The following NELL1 variants were observed in gnomAD, a reference collection of about 807,000 sequenced individuals.
The protein encoded by NELL1 is neural EGFL like 1, also known as protein kinase C-binding protein NELL1.
A neutral mutation model predicts 107.4 loss-of-function variants in NELL1; 76 were observed. The ratio of observed to expected loss-of-function variants is 0.71; its 90% confidence interval spans 0.59 to 0.86. The LOEUF is 0.86. Among genes scored for constraint, NELL1 ranks in the 40% least tolerant of loss-of-function variants. NELL1 has a pLI of 0.00. For synonymous variants in NELL1, 353 were observed against 341.2 expected (o/e 1.03, Z -0.38); for missense variants, 1,024 against 1,005.5 (o/e 1.02, Z -0.25).
chr11:21,363,231 A>AG (rs1851126083), intron 14 of NELL1, among the ~76,000 whole-genome samples: 2 of 152,270 alleles, frequency 1.3e-5, no homozygotes, highest in African/African-American at 2.4e-5. Flanking sequence ...GATATAGTGA[A>AG]GGGATGGCTT....
intron 2 of NELL1, among the ~76,000 whole-genome samples, chr11:20,746,848 A>G (rs988933970): frequency 3.9e-5 from 6 of 152,192 alleles, no homozygotes; most frequent in Non-Finnish European, 7.3e-5. Flanking sequence ...GTTCTACACC[A>G]TTATATCCTG....
At chr11:21,486,132 C>A (rs1243606488) in intron 15 of NELL1, among the ~76,000 whole-genome samples, 1 of 152,114 alleles carries the variant, frequency 6.6e-6, no homozygotes. Flanking sequence ...ATTCCTGATA[C>A]TACCAACATC....
At chr11:21,313,997 C>G (rs75534449) in intron 14 of NELL1, among the ~76,000 whole-genome samples, 2 of 15,194 alleles carry the variant, frequency 1.3e-4, no homozygotes, top group Non-Finnish European at 1.3e-4. Flanking sequence ...ACTCTGCCCC[C>G]CCCCCCCCCC....
intron 13 of NELL1, among the ~76,000 whole-genome samples, chr11:21,188,624 G>T (rs895534435): frequency 6.6e-6 from 1 of 151,704 alleles, no homozygotes; most frequent in African/African-American, 2.4e-5. Flanking sequence ...TATTTAAAAA[G>T]AACCAAAAAT....
At chr11:20,889,480 A>C (rs544317128) in intron 5 of NELL1, among the ~76,000 whole-genome samples, 1 of 152,352 alleles carries the variant, frequency 6.6e-6, no homozygotes, top group East Asian at 1.9e-4. Flanking sequence ...CATTTAAAAA[A>C]CTTCCTGGAA....
chr11:21,482,982 T>G (rs1210375718), intron 15 of NELL1, among the ~76,000 whole-genome samples: 3 of 152,080 alleles, frequency 2.0e-5, no homozygotes, highest in Non-Finnish European at 2.9e-5. Flanking sequence ...CCATTAGGCC[T>G]CTATAATTTT....
At chr11:21,414,078 A>G (rs1852443148) in intron 15 of NELL1, among the ~76,000 whole-genome samples, 1 of 152,128 alleles carries the variant, frequency 6.6e-6, no homozygotes. Flanking sequence ...AAAGGAATTC[A>G]TGAACTTGAG....
chr11:21,159,674 G>C (rs950644541), intron 13 of NELL1, among the ~76,000 whole-genome samples: 2 of 151,716 alleles, frequency 1.3e-5, no homozygotes, highest in Non-Finnish European at 2.9e-5. Flanking sequence ...TGGGTGTAGG[G>C]AGAGGAAATA....
chr11:20,800,829 G>A (rs1169654248), intron 3 of NELL1, among the ~76,000 whole-genome samples: 1 of 152,188 alleles, frequency 6.6e-6, no homozygotes, highest in Non-Finnish European at 1.5e-5. Flanking sequence ...TATTGAGAGT[G>A]ATAGGCATCC....
chr11:20,682,730 AT>A (rs780592882), intron 2 of NELL1, among the ~76,000 whole-genome samples: 3 of 152,010 alleles, frequency 2.0e-5, no homozygotes, highest in Non-Finnish European at 2.9e-5. Context: ...TTCTTTTATA[AT>A]TCCTCCCACT....
chr11:20,707,464 A>C (rs1481663762), intron 2 of NELL1, among the ~76,000 whole-genome samples: 1 of 152,184 alleles, frequency 6.6e-6, no homozygotes, highest in Non-Finnish European at 1.5e-5. Context: ...GAGAATTTTC[A>C]GCTTTCCTTC....
At chr11:21,438,249 T>G (rs555620669) in intron 15 of NELL1, among the ~76,000 whole-genome samples, 1 of 140,840 alleles carries the variant, frequency 7.1e-6, no homozygotes, top group Non-Finnish European at 1.5e-5. Context: ...TGCAGTATTC[T>G]TACATGACAG....
At chr11:21,532,077 G>T (rs540183755) in intron 15 of NELL1, among the ~76,000 whole-genome samples, 1 of 152,174 alleles carries the variant, frequency 6.6e-6, no homozygotes, top group African/African-American at 2.4e-5. Context: ...GTACAGCCTA[G>T]GCACCAGCAT....
rs550121563 is a variant in NELL1 at position 20,814,530 on chromosome 11, A to G, written c.335+30700A>G. Among the ~76,000 whole-genome samples the G allele has an allele frequency of 2.8e-4, 42 of 152,330 alleles. 1 individual carries two copies. In the South Asian group the frequency reaches 3.7e-3, roughly 14 times the overall value. On this transcript the variant is annotated intron_variant, in intron 3 of 19. Transcript: ENST00000357134. ...TGTACCCAATGTTCGGCTCCCACTT[A>G]TAAGTGAGAACATGCAGTGTTTGGT...
intron 14 of NELL1, among the ~76,000 whole-genome samples, chr11:21,351,919 C>A (rs1850826115): frequency 6.6e-6 from 1 of 152,126 alleles, no homozygotes; most frequent in African/African-American, 2.4e-5. Flanking sequence ...AAAATAAAGT[C>A]TTTAAACATC....
intron 14 of NELL1, among the ~76,000 whole-genome samples, chr11:21,258,641 A>G (rs1858829603): frequency 6.6e-6 from 1 of 151,868 alleles, no homozygotes; most frequent in East Asian, 1.9e-4. Context: ...ATGGAGGGCA[A>G]TCTGCTTTAT....
intron 10 of NELL1, among the ~76,000 whole-genome samples, chr11:20,944,128 G>A (rs1850914538): frequency 6.6e-6 from 1 of 152,122 alleles, no homozygotes; most frequent in Admixed American, 6.5e-5. Context: ...ATGGTATTAT[G>A]AAGTATTATC....
chr11:20,731,455 G>A (rs913418646), intron 2 of NELL1, among the ~76,000 whole-genome samples: 6 of 152,210 alleles, frequency 3.9e-5, no homozygotes, highest in Non-Finnish European at 5.9e-5. Context: ...GTTAGAGGGG[G>A]CGTCACTGTG....
intron 15 of NELL1, among the ~76,000 whole-genome samples, chr11:21,388,268 T>C (rs1851792087): frequency 6.6e-6 from 1 of 151,786 alleles, no homozygotes; most frequent in Non-Finnish European, 1.5e-5. Context: ...CTTTTTGAGC[T>C]GGGCATTTTT....
Sources: gnomAD v4.1 joint callset for allele counts (sites outside exome capture counted in the v4.1 genomes callset) on GRCh38, gnomAD v4.1.1 for gene constraint, MANE v1.5 for transcripts, NCBI Gene and HGNC (gene_info 2026-07-23, HGNC 2026-07-21) for gene names.